Variants in AHI1 observed in about 807,000 individuals in gnomAD.
The protein encoded by AHI1 is Abelson helper integration site 1, also known as jouberin.
A neutral mutation model predicts 149.3 loss-of-function variants in AHI1; 123 were observed. That is an observed-to-expected ratio of 0.82 (90% CI 0.71 to 0.96). The LOEUF is 0.96. Ranked by LOEUF, AHI1 falls within the 40% of genes least tolerant of loss-of-function variation. The pLI, the probability that AHI1 is intolerant of heterozygous loss-of-function variation, is 0.00. For synonymous variants in AHI1, 475 were observed against 459.8 expected (o/e 1.03, Z -0.42); for missense variants, 1,439 against 1,422.7 (o/e 1.01, Z -0.18).
At chr6:135,341,862 A>G (rs1008520437) in intron 24 of AHI1, among the ~76,000 whole-genome samples, 4 of 151,972 alleles carry the variant, frequency 2.6e-5, no homozygotes, top group African/African-American at 9.6e-5. Context: ...AGAGAAAAAG[A>G]TATCAAGTGA....
chr6:135,340,368 C>T (rs1358808449), intron 24 of AHI1, among the ~76,000 whole-genome samples: 1 of 148,912 alleles, frequency 6.7e-6, no homozygotes, highest in Non-Finnish European at 1.5e-5. Flanking sequence ...GAGACTCTGT[C>T]TCAAAAAACA....
intron 23 of AHI1, among the ~76,000 whole-genome samples, chr6:135,371,851 G>A (rs1775113480): frequency 6.6e-6 from 1 of 152,296 alleles, no homozygotes; most frequent in East Asian, 1.9e-4. Context: ...TGTTGAGCAA[G>A]GATCTGTGCA....
chr6:135,405,859 C>CAAAAAAAAAA (rs543403253), intron 21 of AHI1, among the ~76,000 whole-genome samples: 1 of 29,336 alleles, frequency 3.4e-5, no homozygotes, highest in African/African-American at 1.2e-4. Context: ...GACTCCAACT[C>CAAAAAAAAAA]AAAAAAAAAA....
chr6:135,469,016 A>G (rs1297830233), intron 5 of AHI1, among the ~76,000 whole-genome samples: 1 of 152,242 alleles, frequency 6.6e-6, no homozygotes, highest in African/African-American at 2.4e-5. Context: ...TGAGGCCAGC[A>G]TCATCCGGAT....
At chr6:135,363,916 G>C (rs547035459) in intron 23 of AHI1, among the ~76,000 whole-genome samples, 1 of 148,538 alleles carries the variant, frequency 6.7e-6, no homozygotes, top group Non-Finnish European at 1.5e-5. Context: ...CCTCCCTCCC[G>C]GATGGGGCGG....
At chr6:135,444,377 G>A (rs1048765146) in intron 13 of AHI1, among the ~76,000 whole-genome samples, 1 of 152,120 alleles carries the variant, frequency 6.6e-6, no homozygotes, top group South Asian at 2.1e-4. Context: ...CACAATGTGG[G>A]CCTCATCCAG....
chr6:135,324,461 C>T (rs1787337516), intron 24 of AHI1, among the ~76,000 whole-genome samples: 1 of 151,666 alleles, frequency 6.6e-6, no homozygotes, highest in South Asian at 2.1e-4. Context: ...TACATTTATG[C>T]TGTTTTCCCC....
chr6:135,303,170 A>G (rs1430296493), intron 26 of AHI1, among the ~76,000 whole-genome samples: 1 of 152,244 alleles, frequency 6.6e-6, no homozygotes, highest in Non-Finnish European at 1.5e-5. Context: ...GTGGAAATTT[A>G]TAAGGAAGAA....
intron 19 of AHI1, among the ~76,000 whole-genome samples, chr6:135,428,078 T>TA (rs775480031): frequency 1.8e-4 from 27 of 151,678 alleles, no homozygotes; most frequent in Non-Finnish European, 3.7e-4. Flanking sequence ...CTCAATTTCT[T>TA]ATTAAAAACA....
At chr6:135,419,227 G>A (rs1782804869) in intron 20 of AHI1, among the ~76,000 whole-genome samples, 1 of 152,052 alleles carries the variant, frequency 6.6e-6, no homozygotes, top group Non-Finnish European at 1.5e-5. Flanking sequence ...ACCAGCATCT[G>A]GCAAATTCAT....
In AHI1 at chr6:135,466,373, G is replaced by T. The variant is rs1790765845; in HGVS notation, c.190C>A (p.Pro64Thr). Residue 64 changes from proline to threonine, a missense_variant and splice_region_variant, in exon 7 of 29, where the codon CCC becomes ACC. Transcript: ENST00000265602. ...GGAAGATTGCTTCTAATAGTGTCGG[G>T]CTAGGAAAAGAAGACATGATAACAA... ...HYMKETTSDDPDTIRSNLPHI... is the reference protein window; with the variant it reads ...HYMKETTSDDTDTIRSNLPHI... 10 of 1,611,080 alleles carry T rather than the reference G, an allele frequency of 6.2e-6. No homozygotes were observed. The highest frequency in any genetic ancestry group is 8.5e-6 in the Non-Finnish European group (10 of 1,178,614).
At chr6:135,380,991 ATTATG>A (rs1332816233) in intron 23 of AHI1, among the ~76,000 whole-genome samples, 2 of 152,164 alleles carry the variant, frequency 1.3e-5, no homozygotes, top group South Asian at 2.1e-4. Flanking sequence ...AAATATGCTT[ATTATG>A]TTATTTTTTC....
intron 23 of AHI1, among the ~76,000 whole-genome samples, chr6:135,381,423 T>C (rs1358174269): frequency 1.3e-5 from 2 of 152,096 alleles, no homozygotes; most frequent in Non-Finnish European, 2.9e-5. Flanking sequence ...GACATTAATA[T>C]GAAATAAACT....
rs1171975906 is a variant in AHI1, at chr6:135,328,443, G to A, written c.3166-5119C>T. Among the ~76,000 whole-genome samples the A allele has an allele frequency of 2.0e-5, 3 of 151,412 alleles. No individual in the cohort carries two copies. The East Asian group carries it at 5.8e-4, about 29-fold the overall frequency. ...TATTATATCTGTTATGGTGATCTAT[G>A]ATAGGTGATCTTTGATGCTACCAAT... is the stretch of plus-strand genomic sequence containing the variant. On this transcript the variant is annotated intron_variant, in intron 24 of 28. Coordinates refer to ENST00000265602, the MANE Select transcript of AHI1 (RefSeq NM_001134831.2).
At position 135,306,578 on chromosome 6, in the gene AHI1, G is replaced by A. The variant is rs140291902; in HGVS notation, c.3427-6020C>T. 3.7e-4 allele frequency among the ~76,000 whole-genome samples: 57 copies of A among 152,302 alleles called. No individual in the cohort carries two copies. In the East Asian group the frequency reaches 0.011, roughly 29 times the overall value. On this transcript the variant is annotated intron_variant, in intron 26 of 28. Transcript: ENST00000265602. ...AAGACCACGGGCCTCGCTGAGGAAAGTAATCACAAATCTCATGAAGAGACA... is the reference window on the plus strand; with the variant it reads ...AAGACCACGGGCCTCGCTGAGGAAAATAATCACAAATCTCATGAAGAGACA...
In AHI1 at chr6:135,431,190, T is replaced by G; in HGVS notation, c.2373+18A>C. The G allele has an allele frequency of 6.8e-7, 1 of 1,481,454 alleles. No individual in the cohort carries two copies. The highest frequency in any genetic ancestry group is 9.2e-7 in the Non-Finnish European group (1 of 1,086,668). The allele number at this position is 1,481,454 out of a possible 1,614,324, so 91.8% of individuals were successfully genotyped here. ...ACTTCTTTAATTAAATCCCAAAATATAAAATATGATTTTATACCTTATTTA... is the reference window on the plus strand; with the variant it reads ...ACTTCTTTAATTAAATCCCAAAATAGAAAATATGATTTTATACCTTATTTA... On this transcript the variant is annotated intron_variant, in intron 17 of 28. Coordinates refer to ENST00000265602, the MANE Select transcript of AHI1 (RefSeq NM_001134831.2).
intron 23 of AHI1, among the ~76,000 whole-genome samples, chr6:135,364,956 G>A (rs1032318166): frequency 6.6e-6 from 1 of 152,150 alleles, no homozygotes; most frequent in East Asian, 1.9e-4. Flanking sequence ...AGAGGGAGTG[G>A]GAGCGGGAGC....
intron 24 of AHI1, among the ~76,000 whole-genome samples, chr6:135,347,068 T>G (rs1791345512): frequency 6.6e-6 from 1 of 152,248 alleles, no homozygotes; most frequent in Admixed American, 6.5e-5. Context: ...TGTGGGCTGA[T>G]GGAATGTTTT....
intron 16 of AHI1, among the ~76,000 whole-genome samples, chr6:135,432,631 C>G (rs1374841712): frequency 2.6e-5 from 4 of 152,122 alleles, no homozygotes; most frequent in Non-Finnish European, 5.9e-5. Context: ...GGATTACAGG[C>G]ACGAACCACC....
Sources: allele counts gnomAD v4.1 joint callset (sites outside exome capture counted in the v4.1 genomes callset), GRCh38; gene constraint gnomAD v4.1.1; transcripts MANE v1.5; gene names NCBI Gene and HGNC (gene_info 2026-07-23, HGNC 2026-07-21).